FNDC3B: variants seen among roughly 807,000 people sequenced by gnomAD.
FNDC3B encodes fibronectin type III domain containing 3B.
A neutral mutation model predicts 151.5 loss-of-function variants in FNDC3B; 12 were observed. The ratio of observed to expected loss-of-function variants is 0.08; its 90% CI spans 0.05 to 0.13. The LOEUF (loss-of-function observed/expected upper bound fraction) is 0.13. Among genes scored for constraint, FNDC3B ranks in the 10% least tolerant of loss-of-function variants. FNDC3B has a pLI of 1.00. For synonymous variants in FNDC3B, 528 were observed against 549.0 expected (o/e 0.96, Z 0.54); for missense variants, 1,214 against 1,505.3 (o/e 0.81, Z 3.20).
Position 172,186,948 on chromosome 3 carries a change from T to C in FNDC3B, c.188-39923T>C, listed in dbSNP as rs1724218986. ...TGTGATTCAATTTTATTTTCTATAC[T>C]AGCTAAAAGCAAGGAACTATATTAT... On this transcript the variant is annotated intron_variant, in intron 3 of 25. Transcript: ENST00000415807. 5.7e-6 allele frequency: 3 copies of C among 525,192 alleles called. No individual in the cohort carries two copies. The African/African-American group carries it at 5.9e-5, about 10-fold the overall frequency. The allele number at this position is 525,192 out of a possible 1,614,324, so 32.5% of individuals were successfully genotyped here.
In FNDC3B at chr3:172,057,910, G is replaced by GA. The variant is rs568169651; in HGVS notation, c.-29+18151dup. Among the ~76,000 whole-genome samples the GA allele has an allele frequency of 7.4e-3, 1,044 of 140,626 alleles. 4 individuals are homozygous for GA. The highest frequency in any genetic ancestry group is 8.5e-3 in the Admixed American group (120 of 14,126). The allele number at this position is 140,626 out of a possible 152,430, so 92.3% of individuals were successfully genotyped here. On this transcript the variant is annotated intron_variant, in intron 1 of 25. Transcript: ENST00000415807. ...ATTTAATTTTCTAATTTGCAGGGAG[G>GA]AAAAAAAAAAAAGCATACAGTGCTA...
intron 7 of FNDC3B, among the ~76,000 whole-genome samples, chr3:172,290,054 T>C (rs1003814347): frequency 5.3e-5 from 8 of 152,214 alleles, no homozygotes; most frequent in African/African-American, 9.6e-5. Flanking sequence ...TCAGGCCATC[T>C]GACAGGGAAA....
chr3:172,186,604 T>G (rs1046878811), intron 3 of FNDC3B: 2 of 637,108 alleles, frequency 3.1e-6, no homozygotes, highest in Non-Finnish European at 5.6e-6. Flanking sequence ...TCTTATTTTA[T>G]AAATCCTATA....
chr3:172,271,996 A>C (rs746955776), intron 6 of FNDC3B, among the ~76,000 whole-genome samples: 4 of 152,240 alleles, frequency 2.6e-5, no homozygotes, highest in Non-Finnish European at 5.9e-5. Flanking sequence ...AACACATCGT[A>C]GCCCTTGCTG....
intron 3 of FNDC3B, among the ~76,000 whole-genome samples, chr3:172,191,870 A>G (rs563622799): frequency 6.6e-6 from 1 of 152,228 alleles, no homozygotes; most frequent in Admixed American, 6.5e-5. Flanking sequence ...AATTGACTGT[A>G]GCTGATTGGA....
intron 3 of FNDC3B, among the ~76,000 whole-genome samples, chr3:172,166,886 G>T (rs1283036309): frequency 6.6e-6 from 1 of 152,100 alleles, no homozygotes; most frequent in East Asian, 1.9e-4. Context: ...CTTTGCCAGA[G>T]AAGATAATTT....
At chr3:172,194,553 T>C (rs1381160261) in intron 3 of FNDC3B, among the ~76,000 whole-genome samples, 3 of 152,234 alleles carry the variant, frequency 2.0e-5, no homozygotes, top group Non-Finnish European at 4.4e-5. Flanking sequence ...TATATGGTAC[T>C]GCTAAATGGG....
chr3:172,083,477 G>A (rs747989248), intron 1 of FNDC3B, among the ~76,000 whole-genome samples: 2 of 152,188 alleles, frequency 1.3e-5, no homozygotes, highest in Non-Finnish European at 2.9e-5. Context: ...TGTTCACATT[G>A]CTCACTGCAA....
rs955391467 is a variant in FNDC3B, at chr3:172,195,149, T to A, written c.188-31722T>A. Among the ~76,000 whole-genome samples, 45 of 152,214 alleles carry A rather than the reference T, an allele frequency of 3.0e-4. 1 individual carries two copies. The highest frequency in any genetic ancestry group is 2.7e-3 in the Admixed American group (42 of 15,286). On this transcript the variant is annotated intron_variant, in intron 3 of 25. Transcript: ENST00000415807. ...AGATAAAAACCTATTTTTACTAGTA[T>A]TTTTACTAGTTACAAGGATCTATGT...
At chr3:172,329,157 AGG>A in intron 12 of FNDC3B, 81 bp downstream of exon 12, 1 of 1,482,904 alleles carries the variant, frequency 6.7e-7, no homozygotes, top group Non-Finnish European at 9.2e-7. Flanking sequence ...GGAAGGCATG[AGG>A]AAGCCTGCTG....
chr3:172,306,529 T>C (rs1731209183), intron 9 of FNDC3B, among the ~76,000 whole-genome samples: 1 of 152,246 alleles, frequency 6.6e-6, no homozygotes, highest in Non-Finnish European at 1.5e-5. Flanking sequence ...GTTGTTGTTT[T>C]TTAAGAGTAC....
At position 172,341,197 on chromosome 3, in the gene FNDC3B, G is replaced by A. The variant is rs778301287; in HGVS notation, c.1937G>A (p.Arg646Gln). ...AAACCAGGCACTTTGTACAAACTCC[G>A]AGCATGCTGCATCAGTACCGGCGGA... ...HLKPGTLYKLRACCISTGGHS... is the reference protein window; with the variant it reads ...HLKPGTLYKLQACCISTGGHS... The change falls in exon 17 of 26, where the codon CGA becomes CAA. Residue 646 changes from arginine (R) to glutamine (Q), a missense_variant. Transcript: ENST00000415807. The A allele has an allele frequency of 3.7e-6, 6 of 1,614,100 alleles. No individual in the cohort carries two copies. The highest frequency in any genetic ancestry group is 4.2e-6 in the Non-Finnish European group (5 of 1,179,998).
chr3:172,271,039 T>G (rs895702275), intron 6 of FNDC3B, among the ~76,000 whole-genome samples: 15 of 152,224 alleles, frequency 9.9e-5, no homozygotes, highest in African/African-American at 3.4e-4. Context: ...AATGTGGTCT[T>G]GTATTTCCTT....
intron 2 of FNDC3B, among the ~76,000 whole-genome samples, chr3:172,113,049 T>C (rs1720056539): frequency 6.6e-6 from 1 of 152,192 alleles, no homozygotes; most frequent in African/African-American, 2.4e-5. Context: ...ATCACGGTAC[T>C]TATTTTCTCT....
At chr3:172,151,825 T>C (rs951890661) in intron 3 of FNDC3B, among the ~76,000 whole-genome samples, 1 of 152,204 alleles carries the variant, frequency 6.6e-6, no homozygotes, top group Non-Finnish European at 1.5e-5. Flanking sequence ...TGTTACAGCA[T>C]TGATGAGGGG....
intron 2 of FNDC3B, among the ~76,000 whole-genome samples, chr3:172,130,802 TG>T (rs2108569609): frequency 6.6e-6 from 1 of 152,302 alleles, no homozygotes; most frequent in South Asian, 2.1e-4. Context: ...TATATGAATT[TG>T]GGATTGTCAG....
At position 172,126,874 on chromosome 3, in the gene FNDC3B, A is replaced by G. The variant is rs544526408; in HGVS notation, c.112-6597A>G. ...ATCTTAATTAGAAGCATTTCCAAGT[A>G]ATTCAAACCATTTTGTAGATGTAAA... On this transcript the variant is annotated intron_variant, in intron 2 of 25. Transcript: ENST00000415807. The G allele has an allele frequency of 1.9e-5, 6 of 309,234 alleles. No individual in the cohort carries two copies. In the East Asian group the frequency reaches 4.7e-4, roughly 24 times the overall value. 19.2% of individuals were successfully genotyped at this position (309,234 alleles called of 1,614,324 possible). A position where few individuals can be genotyped will look rare whatever the true frequency, so the allele number is the denominator to read the frequency against.
intron 15 of FNDC3B, among the ~76,000 whole-genome samples, chr3:172,336,774 G>A (rs1732991453): frequency 6.6e-6 from 1 of 151,578 alleles, no homozygotes; most frequent in Admixed American, 6.6e-5. Context: ...GTAGTGGCGG[G>A]CGCCTGTAAT....
At chr3:172,084,723 GCTT>G (rs1486887164) in intron 1 of FNDC3B, among the ~76,000 whole-genome samples, 1 of 152,286 alleles carries the variant, frequency 6.6e-6, no homozygotes, top group East Asian at 1.9e-4. Flanking sequence ...GCCGTATTCG[GCTT>G]CTTATCTCCT....
Sources: gnomAD v4.1 joint callset for allele counts (sites outside exome capture counted in the v4.1 genomes callset) on GRCh38, gnomAD v4.1.1 for gene constraint, MANE v1.5 for transcripts, NCBI Gene and HGNC (gene_info 2026-07-23, HGNC 2026-07-21) for gene names.